SAMSN1: variants seen among roughly 807,000 people sequenced by gnomAD.
SAMSN1 encodes the protein SAM domain-containing protein SAMSN-1.
SAMSN1 carries 31 observed loss-of-function variants against 42.0 expected under a neutral mutation model. The observed-to-expected ratio is 0.74, with a 90% confidence interval of 0.55 to 1.00. SAMSN1 has a LOEUF of 1.00. Among genes scored for constraint, SAMSN1 ranks in the 50% least tolerant of loss-of-function variants. The probability of loss-of-function intolerance (pLI) is 0.00; values close to 1 mark genes in which losing one functional copy is unlikely to be tolerated. For missense variants in SAMSN1, 464 were observed against 439.4 expected, an observed-to-expected ratio of 1.06 and a Z score of -0.50; for synonymous variants, 178 against 151.9, an observed-to-expected ratio of 1.17 and a Z score of -1.26.
intron 3 of SAMSN1, 114 bp from the exon 4 acceptor site, chr21:14,512,687 T>A: frequency 1.0e-6 from 1 of 995,888 alleles, no homozygotes; most frequent in Non-Finnish European, 1.5e-6. Flanking sequence ...TAAGGATACA[T>A]AAGGATAAAA....
At chr21:14,521,921 A>G (rs1600890815) in intron 1 of SAMSN1, among the ~76,000 whole-genome samples, 1 of 152,134 alleles carries the variant, frequency 6.6e-6, no homozygotes, top group South Asian at 2.1e-4. Context: ...AAAGAACATA[A>G]GTGCATTTTC....
chr21:14,658,906 G>A (rs1038048308), upstream of SAMSN1: 3 of 639,856 alleles, frequency 4.7e-6, no homozygotes, highest in Non-Finnish European at 8.6e-6. Flanking sequence ...CCATAATCCA[G>A]GGGATTCAGA....
chr21:14,510,339 G>T lies in SAMSN1; in HGVS notation c.532C>A (p.Pro178Thr). ...ATTTTGAGGGAGTCAGTGTCATAGG[G>T]ACTTGGCGTGAAATCCGTATGCACT... is the stretch of plus-strand genomic sequence containing the variant. The part of the protein sequence containing the change: ...ARVHTDFTPS[P>T]YDTDSLKIKK... Residue 178 changes from proline to threonine, a missense_variant, in exon 5 of 8, where the codon CCC becomes ACC. Transcript: ENST00000400566. The T allele has an allele frequency of 6.2e-7, 1 of 1,614,114 alleles. No homozygotes were observed. Among genetic ancestry groups the T allele is most frequent in the East Asian group, 2.2e-5 (1 of 44,864 alleles).
intron 7 of SAMSN1, among the ~76,000 whole-genome samples, chr21:14,488,731 A>C (rs938136705): frequency 6.6e-6 from 1 of 152,220 alleles, no homozygotes; most frequent in Admixed American, 6.5e-5. Context: ...ATGGAAAAAG[A>C]AAATAGTTTC....
At chr21:14,640,316 AG>A (rs1711671111) in intron 2 of SAMSN1, among the ~76,000 whole-genome samples, 1 of 152,126 alleles carries the variant, frequency 6.6e-6, no homozygotes, top group Non-Finnish European at 1.5e-5. Flanking sequence ...TTGTATTGTC[AG>A]TTTGGTTCTA....
At chr21:14,534,372 A>C (rs1248857666) in intron 1 of SAMSN1, among the ~76,000 whole-genome samples, 1 of 152,198 alleles carries the variant, frequency 6.6e-6, no homozygotes, top group Non-Finnish European at 1.5e-5. Context: ...AATATGAGTC[A>C]GCTACATCCC....
chr21:14,511,173 G>A (rs1165780616), intron 4 of SAMSN1, among the ~76,000 whole-genome samples: 3 of 152,036 alleles, frequency 2.0e-5, no homozygotes, highest in African/African-American at 4.8e-5. Context: ...AATAGCCCAC[G>A]TTTCACTACC....
chr21:14,548,873 A>G (rs1028721096), upstream of SAMSN1, among the ~76,000 whole-genome samples: 1 of 152,114 alleles, frequency 6.6e-6, no homozygotes, highest in African/African-American at 2.4e-5. Flanking sequence ...GCAGAGAGTC[A>G]GTACAGAGCA....
chr21:14,539,181 A>T (rs921917398), intron 1 of SAMSN1, among the ~76,000 whole-genome samples: 3 of 152,212 alleles, frequency 2.0e-5, no homozygotes, highest in African/African-American at 7.2e-5. Context: ...AGTTGTACTG[A>T]TACACAAACA....
At chr21:14,555,488 G>T (rs541591463) in intron 2 of SAMSN1, among the ~76,000 whole-genome samples, 2 of 152,258 alleles carry the variant, frequency 1.3e-5, no homozygotes, top group South Asian at 4.1e-4. Flanking sequence ...AGCAGGTATT[G>T]ATTCCTGTCA....
At chr21:14,571,319 G>A (rs2123219414) in intron 2 of SAMSN1, among the ~76,000 whole-genome samples, 1 of 152,258 alleles carries the variant, frequency 6.6e-6, no homozygotes, top group East Asian at 1.9e-4. Context: ...CGTATCTTGT[G>A]CCCTGGATAA....
At chr21:14,495,688 T>A (rs1986887864) in intron 7 of SAMSN1, 1 of 152,194 alleles carries the variant, frequency 6.6e-6, no homozygotes, top group Admixed American at 6.5e-5. Flanking sequence ...CTGGGACATG[T>A]CCTTTTTTAT....
At chr21:14,506,790 C>G (rs1225282003) in intron 5 of SAMSN1, among the ~76,000 whole-genome samples, 1 of 152,048 alleles carries the variant, frequency 6.6e-6, no homozygotes, top group African/African-American at 2.4e-5. Context: ...TGCTAAAATT[C>G]TTAACAAAAT....
intron 1 of SAMSN1, among the ~76,000 whole-genome samples, chr21:14,541,979 G>A (rs1366937942): frequency 8.6e-6 from 1 of 115,852 alleles, no homozygotes; most frequent in Non-Finnish European, 1.8e-5. Context: ...GTAACAGAAT[G>A]AGACCCTGAA....
intron 3 of SAMSN1, among the ~76,000 whole-genome samples, chr21:14,513,215 T>C (rs1987766193): frequency 6.6e-6 from 1 of 152,232 alleles, no homozygotes; most frequent in Non-Finnish European, 1.5e-5. Flanking sequence ...TTTCCATATT[T>C]CAATAGTTTG....
At chr21:14,493,694 A>G (rs2123661756) in intron 7 of SAMSN1, among the ~76,000 whole-genome samples, 1 of 152,280 alleles carries the variant, frequency 6.6e-6, no homozygotes, top group South Asian at 2.1e-4. Context: ...AATAAATAGA[A>G]AAACCTAAAT....
intron 1 of SAMSN1, among the ~76,000 whole-genome samples, chr21:14,535,534 C>G (rs1448123775): frequency 6.6e-6 from 1 of 152,192 alleles, no homozygotes; most frequent in South Asian, 2.1e-4. Flanking sequence ...GAATTGACTC[C>G]CACAAATTCG....
chr21:14,550,259 C>A (rs1471285640), upstream of SAMSN1, among the ~76,000 whole-genome samples: 1 of 152,038 alleles, frequency 6.6e-6, no homozygotes, highest in Non-Finnish European at 1.5e-5. Flanking sequence ...GTCACTTACC[C>A]ATTCTATGTC....
At chr21:14,622,093 G>C (rs1242880670) in intron 2 of SAMSN1, among the ~76,000 whole-genome samples, 1 of 152,170 alleles carries the variant, frequency 6.6e-6, no homozygotes. Context: ...CTAACAAACA[G>C]AAAGGACATC....
Sources: gnomAD v4.1 joint callset for allele counts (sites outside exome capture counted in the v4.1 genomes callset) on GRCh38, gnomAD v4.1.1 for gene constraint, MANE v1.5 for transcripts, NCBI Gene and HGNC (gene_info 2026-07-23, HGNC 2026-07-21) for gene names.